The following NCALD variants were observed in gnomAD, a reference collection of about 807,000 sequenced individuals.
The protein encoded by NCALD is neurocalcin delta.
NCALD carries 10 observed loss-of-function variants against 18.6 expected under a neutral mutation model. The observed-to-expected ratio is 0.54, with a 90% confidence interval of 0.33 to 0.91. The LOEUF (loss-of-function observed/expected upper bound fraction) is 0.91. Among genes scored for constraint, NCALD ranks in the 40% least tolerant of loss-of-function variants. NCALD has a pLI of 0.03. For missense variants in NCALD, 184 were observed against 247.6 expected, an observed-to-expected ratio of 0.74 and a Z score of 1.72; for synonymous variants, 88 against 87.4, an observed-to-expected ratio of 1.01 and a Z score of -0.04.
At chr8:102,084,301 C>A (rs1283198933) in intron 1 of NCALD, among the ~76,000 whole-genome samples, 1 of 152,238 alleles carries the variant, frequency 6.6e-6, no homozygotes. Flanking sequence ...TCTGCAGCAA[C>A]TTCACTTCTT....
At chr8:101,799,571 A>G (rs1812763030) in intron 4 of NCALD, among the ~76,000 whole-genome samples, 1 of 152,226 alleles carries the variant, frequency 6.6e-6, no homozygotes, top group Non-Finnish European at 1.5e-5. Context: ...ATATCCACAC[A>G]ATGGAATACT....
chr8:101,923,916 CTTTTT>C (rs1716440305), intron 2 of NCALD, among the ~76,000 whole-genome samples: 3 of 151,998 alleles, frequency 2.0e-5, no homozygotes, highest in African/African-American at 7.2e-5. Context: ...AAGATAGTTT[CTTTTT>C]TATTTCAACT....
At chr8:101,985,340 C>T (rs1391642901) in intron 2 of NCALD, among the ~76,000 whole-genome samples, 1 of 152,296 alleles carries the variant, frequency 6.6e-6, no homozygotes, top group Non-Finnish European at 1.5e-5. Context: ...GACCTGAGCC[C>T]TCCCACCTGG....
intron 2 of NCALD, among the ~76,000 whole-genome samples, chr8:101,948,334 A>G (rs1819259532): frequency 6.6e-6 from 1 of 152,244 alleles, no homozygotes; most frequent in Admixed American, 6.5e-5. Context: ...AGGAGACCCA[A>G]GGATGATCTC....
At chr8:101,889,482 T>C (rs910568860) in intron 3 of NCALD, among the ~76,000 whole-genome samples, 7 of 152,192 alleles carry the variant, frequency 4.6e-5, no homozygotes, top group Non-Finnish European at 1.0e-4. Flanking sequence ...GCAGAACCCA[T>C]ACTCTGAATA....
At chr8:101,919,466 C>T (rs188516753) in intron 2 of NCALD, among the ~76,000 whole-genome samples, 1 of 152,098 alleles carries the variant, frequency 6.6e-6, no homozygotes, top group East Asian at 1.9e-4. Context: ...GGACATTAGC[C>T]TTGGAAATGA....
At chr8:101,989,547 G>A (rs1820963133) in intron 2 of NCALD, among the ~76,000 whole-genome samples, 1 of 152,332 alleles carries the variant, frequency 6.6e-6, no homozygotes, top group South Asian at 2.1e-4. Flanking sequence ...AAACAATTTT[G>A]TGATATAACA....
intron 4 of NCALD, among the ~76,000 whole-genome samples, chr8:101,870,981 T>TATTTTAC (rs1375550411): frequency 3.6e-5 from 5 of 139,000 alleles, no homozygotes; most frequent in African/African-American, 1.4e-4. Context: ...AATGTAATTT[T>TATTTTAC]AGATGAATGT....
At chr8:101,701,254 C>A (rs1815252519) in intron 2 of NCALD, among the ~76,000 whole-genome samples, 1 of 152,210 alleles carries the variant, frequency 6.6e-6, no homozygotes, top group Non-Finnish European at 1.5e-5. Flanking sequence ...AGACAGCCAT[C>A]TGAGACAAAT....
intron 4 of NCALD, among the ~76,000 whole-genome samples, chr8:101,877,149 C>G (rs1477681767): frequency 2.0e-5 from 3 of 152,224 alleles, no homozygotes; most frequent in Admixed American, 6.5e-5. Context: ...ATTTTAAACA[C>G]AGTTAAAGAT....
chr8:102,097,657 A>T (rs1222930381), intron 1 of NCALD, among the ~76,000 whole-genome samples: 2 of 152,028 alleles, frequency 1.3e-5, no homozygotes, highest in Non-Finnish European at 2.9e-5. Context: ...ATCATCAATA[A>T]CCTCTTTTCA....
intron 4 of NCALD, chr8:101,872,000 A>G: frequency 1.1e-6 from 1 of 908,588 alleles, no homozygotes; most frequent in Non-Finnish European, 1.8e-6. Context: ...ATGCCGCCAA[A>G]CACCAGAGGA....
chr8:101,979,308 T>C (rs750797051), intron 2 of NCALD, among the ~76,000 whole-genome samples: 2 of 152,172 alleles, frequency 1.3e-5, no homozygotes, highest in Non-Finnish European at 2.9e-5. Flanking sequence ...GAAGAATGCA[T>C]TCTACACCAA....
intron 1 of NCALD, among the ~76,000 whole-genome samples, chr8:102,111,920 G>T (rs1449580318): frequency 6.6e-6 from 1 of 152,112 alleles, no homozygotes; most frequent in Non-Finnish European, 1.5e-5. Flanking sequence ...TGAATTATGG[G>T]TGATAACACT....
chr8:101,929,271 TGGAG>T lies in NCALD; in HGVS notation c.-156-13417_-156-13414del, dbSNP rs1184689602. Among the ~76,000 whole-genome samples the T allele has an allele frequency of 3.0e-3, 33 of 10,978 alleles. 2 individuals are homozygous for T. Among genetic ancestry groups the T allele is most frequent in the African/African-American group, 0.013 (28 of 2,170 alleles). 7.2% of individuals were successfully genotyped at this position (10,978 alleles called of 152,430 possible). On this transcript the variant is annotated intron_variant, in intron 2 of 6. Coordinates refer to the NCALD transcript ENST00000311028. ...GAGGAGGAAGGGATGGAGGAAGGGATGGAGGGAGGGAGGGAGGGAGGGAGGGAGG... is the reference window on the plus strand; with the variant it reads ...GAGGAGGAAGGGATGGAGGAAGGGATGGAGGGAGGGAGGGAGGGAGGGAGG...
chr8:101,700,990 C>T (rs903134412), intron 2 of NCALD, among the ~76,000 whole-genome samples: 37 of 152,168 alleles, frequency 2.4e-4, no homozygotes, highest in African/African-American at 8.2e-4. Flanking sequence ...TCGTGACACT[C>T]AGATCAGATG....
At chr8:101,993,289 T>C (rs1821120568) in intron 2 of NCALD, among the ~76,000 whole-genome samples, 1 of 151,968 alleles carries the variant, frequency 6.6e-6, no homozygotes. Flanking sequence ...ATATCATCAG[T>C]TTTCCAGAGT....
intron 2 of NCALD, among the ~76,000 whole-genome samples, chr8:101,718,519 C>T (rs1303031956): frequency 1.3e-5 from 2 of 152,042 alleles, no homozygotes; most frequent in South Asian, 4.1e-4. Context: ...TTCATCAGCC[C>T]ACGAAGACTA....
At chr8:101,992,983 G>A (rs1012633532) in intron 2 of NCALD, among the ~76,000 whole-genome samples, 14 of 147,828 alleles carry the variant, frequency 9.5e-5, no homozygotes, top group African/African-American at 2.3e-4. Context: ...TAAATAGCTC[G>A]TCCAAGATAA....
Sources: allele counts gnomAD v4.1 joint callset (sites outside exome capture counted in the v4.1 genomes callset), GRCh38; gene constraint gnomAD v4.1.1; transcripts MANE v1.5; gene names NCBI Gene and HGNC (gene_info 2026-07-23, HGNC 2026-07-21).